Variants in RNF187 observed in about 807,000 individuals in gnomAD.
RNF187 encodes the protein ring finger protein 187, also known as E3 ubiquitin-protein ligase RNF187.
In RNF187, 18 loss-of-function variants were observed where a neutral mutation model predicts 22.2. The observed-to-expected ratio is 0.81, with a 90% CI of 0.56 to 1.20. The LOEUF (loss-of-function observed/expected upper bound fraction) is 1.20. RNF187 is among the 50% of genes most tolerant of loss of function. RNF187 has a pLI of 0.00. For synonymous variants in RNF187, 164 were observed against 140.9 expected (o/e 1.16, Z -1.16); for missense variants, 329 against 317.6 (o/e 1.04, Z -0.27).
At position 228,491,207 on chromosome 1, in the gene RNF187, TAGTG is replaced by T; in HGVS notation, c.484-1843_484-1840del. On this transcript the variant is annotated intron_variant, in intron 2 of 3. Coordinates refer to ENST00000305943, the MANE Select transcript of RNF187 (RefSeq NM_001010858.3). ...GAGTTCGAGACCAGCCTGGGTAACATAGTGAGACCACCATCTGTACAAAAATTAA... is the reference window on the plus strand; with the variant it reads ...GAGTTCGAGACCAGCCTGGGTAACATAGACCACCATCTGTACAAAAATTAA... Among the ~76,000 whole-genome samples the T allele has an allele frequency of 1.9e-3, 289 of 151,672 alleles. 1 individual carries two copies. The highest frequency in any genetic ancestry group is 6.6e-3 in the African/African-American group (274 of 41,292).
Position 228,487,508 on chromosome 1 carries a change from C to T in RNF187, c.20C>T (p.Pro7Leu), listed in dbSNP as rs1658861489. 17 of 1,144,794 alleles carry T rather than the reference C, an allele frequency of 1.5e-5. 1 individual carries two copies. Among genetic ancestry groups the T allele is most frequent in the Non-Finnish European group, 1.8e-5 (17 of 935,234 alleles). 70.9% of individuals were successfully genotyped at this position (1,144,794 alleles called of 1,614,324 possible). A position where few individuals can be genotyped will look rare whatever the true frequency, so the allele number is the denominator to read the frequency against. The change falls in exon 1 of 4, where the codon CCC (proline) becomes CTC (leucine). Residue 7 changes from proline to leucine, a missense_variant. Coordinates refer to ENST00000305943, the MANE Select transcript of RNF187 (RefSeq NM_001010858.3). ...GCAGCCCTGGCGCTCCCTGCGGGCC[C>T]CGCCGAGGCCGCCTGCGCCCTGTGC...
Position 228,495,981 on chromosome 1 carries a change from T to A in RNF187, c.*2096T>A. Among the ~76,000 whole-genome samples the A allele has an allele frequency of 6.6e-6, 1 of 152,176 alleles. No homozygotes were observed. The highest frequency in any genetic ancestry group is 1.5e-5 in the Non-Finnish European group (1 of 68,018). On this transcript the variant is annotated 3_prime_UTR_variant, in exon 4 of 4. Coordinates refer to ENST00000305943, the MANE Select transcript of RNF187 (RefSeq NM_001010858.3). ...GCAGTCAGCCCTCCCTCTGCACATA[T>A]GTGGGACAGTCAGATACAGAGGGCC...
At chr1:228,488,223 C>T in intron 1 of RNF187, 1 of 154,122 alleles carries the variant, frequency 6.5e-6, no homozygotes, top group African/African-American at 2.4e-5. Flanking sequence ...GGTCCCATCA[C>T]TAGCTGTGCC....
At position 228,494,417 on chromosome 1, in the gene RNF187, C is replaced by T; in HGVS notation, c.*532C>T. ...ACCTTGATGCCTCCTGAGGAGGCGGCCCCCCTCTTGAGGTGGGCGTGGGCC... is the reference window on the plus strand; with the variant it reads ...ACCTTGATGCCTCCTGAGGAGGCGGTCCCCCTCTTGAGGTGGGCGTGGGCC... On this transcript the variant is annotated 3_prime_UTR_variant, in exon 4 of 4. Coordinates refer to ENST00000305943, the MANE Select transcript of RNF187 (RefSeq NM_001010858.3). 3.0e-6 allele frequency: 3 copies of T among 996,810 alleles called. No individual in the cohort carries two copies. The highest frequency in any genetic ancestry group is 2.4e-6 in the Non-Finnish European group (2 of 836,198). 61.7% of individuals were successfully genotyped at this position (996,810 alleles called of 1,614,324 possible). A position where few individuals can be genotyped will look rare whatever the true frequency, so the allele number is the denominator to read the frequency against.
At position 228,488,948 on chromosome 1, in the gene RNF187, T is replaced by C; in HGVS notation, c.391-12T>C. The C allele has an allele frequency of 6.5e-7, 1 of 1,546,154 alleles. No individual in the cohort carries two copies. The highest frequency in any genetic ancestry group is 2.4e-5 in the East Asian group (1 of 40,908). ...CTTCTGCCCACCCCTGGTGACCTTC[T>C]TTTCTTTACAGGAGAACAAGGGGTC... is the stretch of plus-strand genomic sequence containing the variant. On this transcript the variant is annotated splice_polypyrimidine_tract_variant and intron_variant, in intron 1 of 3. Transcript: ENST00000305943.
intron 2 of RNF187, among the ~76,000 whole-genome samples, chr1:228,491,356 C>T: frequency 4.9e-4 from 60 of 121,308 alleles, no homozygotes; most frequent in African/African-American, 1.7e-3. Context: ...CCACTGCACT[C>T]CAACATGGGT....
chr1:228,494,175 G>C lies in RNF187; in HGVS notation c.*290G>C. 6.5e-6 allele frequency: 9 copies of C among 1,384,110 alleles called. No individual in the cohort carries two copies. Among genetic ancestry groups the C allele is most frequent in the Non-Finnish European group, 8.4e-6 (9 of 1,067,302 alleles). The allele number at this position is 1,384,110 out of a possible 1,614,324, so 85.7% of individuals were successfully genotyped here. A position where few individuals can be genotyped will look rare whatever the true frequency, so the allele number is the denominator to read the frequency against. ...TCCTCCATGAGTCCCGGCAGCTCTG[G>C]GTCATGCCCTTCCCTGGTCACCCAT... On this transcript the variant is annotated 3_prime_UTR_variant, in exon 4 of 4. Coordinates refer to ENST00000305943, the MANE Select transcript of RNF187 (RefSeq NM_001010858.3).
In RNF187 at chr1:228,493,837, C is replaced by T; in HGVS notation, c.706-46C>T. On this transcript the variant is annotated intron_variant, in intron 3 of 3. Coordinates refer to ENST00000305943, the MANE Select transcript of RNF187 (RefSeq NM_001010858.3). The surrounding 1 kb of genome is among the most constrained non-coding windows in gnomAD (Gnocchi z 4.7). Reference sequence around the variant, plus strand: ...CCTCTGTCTCTGACTCTGTGTGTCTCTTTCTCTTTTTGTCTCTCTGTCTTT... The same window carrying T: ...CCTCTGTCTCTGACTCTGTGTGTCTTTTTCTCTTTTTGTCTCTCTGTCTTT... 5.2e-6 allele frequency: 8 copies of T among 1,545,722 alleles called. No homozygotes were observed. Among genetic ancestry groups the T allele is most frequent in the Non-Finnish European group, 7.0e-6 (8 of 1,141,512 alleles).
chr1:228,487,813 C>A lies in RNF187; in HGVS notation c.325C>A (p.Arg109Ser). Residue 109 changes from arginine (R) to serine (S), a missense_variant, in exon 1 of 4, where the codon CGT becomes AGT. Transcript: ENST00000305943. Reference sequence around the variant, plus strand: ...CGCCGGCCCGCTCTGCGCCGCCTGCCGTATGGCTGCGGGCCCCGAGCCGCC... The same window carrying A: ...CGCCGGCCCGCTCTGCGCCGCCTGCAGTATGGCTGCGGGCCCCGAGCCGCC... 2 of 1,182,718 alleles carry A rather than the reference C, an allele frequency of 1.7e-6. No individual in the cohort carries two copies. Among genetic ancestry groups the A allele is most frequent in the Non-Finnish European group, 2.1e-6 (2 of 954,156 alleles). 73.3% of individuals were successfully genotyped at this position (1,182,718 alleles called of 1,614,324 possible).
intron 2 of RNF187, among the ~76,000 whole-genome samples, chr1:228,492,841 T>C: frequency 6.6e-6 from 1 of 152,058 alleles, no homozygotes; most frequent in African/African-American, 2.4e-5. Context: ...GTCAGGCTGG[T>C]CTTGAACTCC....
At chr1:228,492,583 G>A in intron 2 of RNF187, among the ~76,000 whole-genome samples, 4 of 145,464 alleles carry the variant, frequency 2.7e-5, no homozygotes, top group African/African-American at 1.0e-4. Flanking sequence ...GCCTCCCAAA[G>A]TGCTGGGATT....
In RNF187 at chr1:228,495,432, TTCCAGAGCCTG is replaced by T; in HGVS notation, c.*1548_*1558del. The T allele has an allele frequency of 1.2e-5, 12 of 977,870 alleles. No individual in the cohort carries two copies. The South Asian group carries it at 5.2e-4, about 42-fold the overall frequency. 60.6% of individuals were successfully genotyped at this position (977,870 alleles called of 1,614,324 possible). On this transcript the variant is annotated 3_prime_UTR_variant, in exon 4 of 4. Coordinates refer to ENST00000305943, the MANE Select transcript of RNF187 (RefSeq NM_001010858.3). ...GGGCAAAGAGGGCCCTAGGAGAAGA[TTCCAGAGCCTG>T]GCCAGAGTTTGGCCAAGTAGAGAAT...
chr1:228,487,681 A>G lies in RNF187; in HGVS notation c.193A>G (p.Arg65Gly), dbSNP rs1180425786. 10 of 1,095,854 alleles carry G rather than the reference A, an allele frequency of 9.1e-6. No individual in the cohort carries two copies. Among genetic ancestry groups the G allele is most frequent in the Non-Finnish European group, 1.1e-5 (10 of 900,756 alleles). The allele number at this position is 1,095,854 out of a possible 1,614,324, so 67.9% of individuals were successfully genotyped here. The change falls in exon 1 of 4, where the codon AGG (arginine) becomes GGG (glycine). Residue 65 changes from arginine (R) to glycine (G), a missense_variant. By Grantham distance (125) the Arg-to-Gly change is moderately radical. Transcript: ENST00000305943. ...CTGGCAGCGCGCCGTGGAGCCCGGCAGGCCCCCGCTCAGCCGCCGCCTTCT... is the reference window on the plus strand; with the variant it reads ...CTGGCAGCGCGCCGTGGAGCCCGGCGGGCCCCCGCTCAGCCGCCGCCTTCT...
Position 228,487,561 on chromosome 1 carries a change from G to C in RNF187, c.73G>C (p.Ala25Pro), listed in dbSNP as rs1558487264. 1 of 1,245,044 alleles carries C rather than the reference G, an allele frequency of 8.0e-7. No homozygotes were observed. Among genetic ancestry groups the C allele is most frequent in the Non-Finnish European group, 1.0e-6 (1 of 982,366 alleles). The allele number at this position is 1,245,044 out of a possible 1,614,324, so 77.1% of individuals were successfully genotyped here. Reference sequence around the variant, plus strand: ...GCGCGCGCCCCGGGAACCGGTGCGCGCCGACTGCGGCCACCGCTTCTGTCG... The same window carrying C: ...GCGCGCGCCCCGGGAACCGGTGCGCCCCGACTGCGGCCACCGCTTCTGTCG... Residue 25 changes from alanine to proline, a missense_variant, in exon 1 of 4, where the codon GCC (alanine) becomes CCC (proline). Transcript: ENST00000305943.
Position 228,495,058 on chromosome 1 carries a change from C to T in RNF187, c.*1173C>T. 1,121 of 981,122 alleles carry T rather than the reference C, an allele frequency of 1.1e-3. 2 individuals carry two copies. The highest frequency in any genetic ancestry group is 7.4e-3 in the South Asian group (156 of 21,210). 60.8% of individuals were successfully genotyped at this position (981,122 alleles called of 1,614,324 possible). A position where few individuals can be genotyped will look rare whatever the true frequency, so the allele number is the denominator to read the frequency against. On this transcript the variant is annotated 3_prime_UTR_variant, in exon 4 of 4. Coordinates refer to ENST00000305943, the MANE Select transcript of RNF187 (RefSeq NM_001010858.3). ...TGTCAAAGGAAACTTCCTCGTGACA[C>T]GTGCTAAAGCATGGTGAGGAGGACT... is the stretch of plus-strand genomic sequence containing the variant.
Position 228,492,643 on chromosome 1 carries a change from T to TG in RNF187, c.484-409dup. On this transcript the variant is annotated intron_variant, in intron 2 of 3. Transcript: ENST00000305943. ...CTTTTTTTTTTTTTTTTTTTTTTTT[T>TG]GAGATGGAGTCTCGCTCTGTCGCCC... 2.7e-5 allele frequency among the ~76,000 whole-genome samples: 3 copies of TG among 109,846 alleles called. No homozygotes were observed. The South Asian group carries it at 8.6e-4, about 32-fold the overall frequency. The allele number at this position is 109,846 out of a possible 152,430, so 72.1% of individuals were successfully genotyped here.
chr1:228,494,165 G>C lies in RNF187; in HGVS notation c.*280G>C. ...CCACAGCCCATCCTCCATGAGTCCC[G>C]GCAGCTCTGGGTCATGCCCTTCCCT... is the stretch of plus-strand genomic sequence containing the variant. On this transcript the variant is annotated 3_prime_UTR_variant, in exon 4 of 4. Coordinates refer to ENST00000305943, the MANE Select transcript of RNF187 (RefSeq NM_001010858.3). 3.6e-6 allele frequency: 5 copies of C among 1,397,380 alleles called. No homozygotes were observed. The highest frequency in any genetic ancestry group is 4.7e-6 in the Non-Finnish European group (5 of 1,074,984). 86.6% of individuals were successfully genotyped at this position (1,397,380 alleles called of 1,614,324 possible).
intron 2 of RNF187, 142 bp from the exon 3 acceptor site, chr1:228,492,911 C>A: frequency 2.2e-6 from 2 of 917,258 alleles, no homozygotes; most frequent in Non-Finnish European, 1.6e-6. Context: ...GCGTGAGCCA[C>A]TGTGCCTGGC....
chr1:228,488,737 G>A, intron 1 of RNF187, among the ~76,000 whole-genome samples: 1 of 152,222 alleles, frequency 6.6e-6, no homozygotes, highest in Non-Finnish European at 1.5e-5. Flanking sequence ...AACCCACCTA[G>A]ACAGTCCCCT....
Sources: gnomAD v4.1 joint callset for allele counts (sites outside exome capture counted in the v4.1 genomes callset) on GRCh38, gnomAD v4.1.1 for gene constraint, Gnocchi (gnomAD v3.1) non-coding constraint, MANE v1.5 for transcripts, NCBI Gene and HGNC (gene_info 2026-07-23, HGNC 2026-07-21) for gene names.